ERC2: variants seen among roughly 807,000 people sequenced by gnomAD.
ERC2 encodes ERC protein 2.
ERC2 carries 42 observed loss-of-function variants against 114.8 expected under a neutral mutation model. That is an observed-to-expected ratio of 0.37 (90% CI 0.29 to 0.47). ERC2 has a LOEUF of 0.47. Among genes scored for constraint, ERC2 ranks in the 20% least tolerant of loss-of-function variants. The probability of loss-of-function intolerance (pLI) is 0.99; values close to 1 mark genes in which losing one functional copy is unlikely to be tolerated. For synonymous variants in ERC2, 454 were observed against 425.5 expected (o/e 1.07, Z -0.82); for missense variants, 939 against 1,150.7 (o/e 0.82, Z 2.66).
chr3:56,256,300 C>T (rs1443790814), intron 3 of ERC2, among the ~76,000 whole-genome samples: 1 of 152,174 alleles, frequency 6.6e-6, no homozygotes, highest in Non-Finnish European at 1.5e-5. Context: ...TCATTTCCAA[C>T]AGGTGATTAA....
intron 14 of ERC2, among the ~76,000 whole-genome samples, chr3:55,805,753 C>T (rs1280185395): frequency 2.6e-5 from 4 of 152,090 alleles, no homozygotes; most frequent in Admixed American, 1.3e-4. Flanking sequence ...TGGTCCTGAT[C>T]GGATTACACA....
chr3:56,283,161 A>C (rs1386575147), intron 3 of ERC2, among the ~76,000 whole-genome samples: 1 of 152,258 alleles, frequency 6.6e-6, no homozygotes, highest in Non-Finnish European at 1.5e-5. Context: ...TCAAGCTTTC[A>C]ATGTGCAATT....
intron 17 of ERC2, among the ~76,000 whole-genome samples, chr3:55,572,231 T>A (rs536169112): frequency 6.6e-6 from 1 of 152,216 alleles, no homozygotes; most frequent in East Asian, 1.9e-4. Flanking sequence ...GCCCAGAAAG[T>A]GGCCTGGGAG....
intron 2 of ERC2, among the ~76,000 whole-genome samples, chr3:56,309,170 T>C (rs968088019): frequency 1.3e-5 from 2 of 152,226 alleles, no homozygotes; most frequent in African/African-American, 4.8e-5. Flanking sequence ...CCTCTAGGCT[T>C]TCTCTTTTGG....
At chr3:55,774,428 C>A (rs146157871) in intron 14 of ERC2, among the ~76,000 whole-genome samples, 1 of 152,252 alleles carries the variant, frequency 6.6e-6, no homozygotes. Flanking sequence ...CCCCCGACTT[C>A]GTGGTCTCCC....
chr3:55,515,226 G>A (rs1234644383), intron 17 of ERC2, among the ~76,000 whole-genome samples: 2 of 152,164 alleles, frequency 1.3e-5, no homozygotes, highest in Admixed American at 1.3e-4. Flanking sequence ...GGAAAAAGCA[G>A]ATTACCATTT....
intron 17 of ERC2, among the ~76,000 whole-genome samples, chr3:55,558,680 C>T (rs1401159931): frequency 6.6e-6 from 1 of 152,130 alleles, no homozygotes; most frequent in African/African-American, 2.4e-5. Context: ...GGCCTTTGGC[C>T]CAGATTTTAA....
chr3:55,741,882 A>G (rs1172915246), intron 14 of ERC2, among the ~76,000 whole-genome samples: 2 of 152,198 alleles, frequency 1.3e-5, no homozygotes, highest in African/African-American at 4.8e-5. Flanking sequence ...AGCCTAAACA[A>G]ATGTCAAGGG....
intron 3 of ERC2, among the ~76,000 whole-genome samples, chr3:56,282,168 G>T (rs912578006): frequency 6.6e-6 from 1 of 152,158 alleles, no homozygotes; most frequent in Non-Finnish European, 1.5e-5. Flanking sequence ...CTATTAGACC[G>T]CAAGTCTCCT....
intron 3 of ERC2, among the ~76,000 whole-genome samples, chr3:56,184,117 T>C (rs2083449385): frequency 6.6e-6 from 1 of 152,166 alleles, no homozygotes; most frequent in Non-Finnish European, 1.5e-5. Flanking sequence ...GATAATGTGC[T>C]CCTTTTGGTG....
At chr3:55,748,095 A>C (rs1428356271) in intron 14 of ERC2, among the ~76,000 whole-genome samples, 1 of 152,186 alleles carries the variant, frequency 6.6e-6, no homozygotes, top group Non-Finnish European at 1.5e-5. Context: ...GAGCCAGCCC[A>C]AGAAACAATG....
chr3:55,556,500 A>T (rs934774212), intron 17 of ERC2, among the ~76,000 whole-genome samples: 2 of 152,160 alleles, frequency 1.3e-5, no homozygotes, highest in East Asian at 3.9e-4. Flanking sequence ...ATATGACTCA[A>T]CTTGGCCAAT....
intron 6 of ERC2, among the ~76,000 whole-genome samples, chr3:56,094,701 T>C (rs2077963651): frequency 1.3e-5 from 2 of 152,108 alleles, no homozygotes; most frequent in South Asian, 2.1e-4. Flanking sequence ...TTGGTAGTGA[T>C]GCAGGAAGAA....
At chr3:55,889,745 C>T (rs2063520470) in intron 13 of ERC2, among the ~76,000 whole-genome samples, 1 of 152,142 alleles carries the variant, frequency 6.6e-6, no homozygotes, top group African/African-American at 2.4e-5. Flanking sequence ...TTCTAAAATA[C>T]CCCTTCCAGC....
At chr3:56,244,329 T>C (rs893350077) in intron 3 of ERC2, among the ~76,000 whole-genome samples, 2 of 152,210 alleles carry the variant, frequency 1.3e-5, no homozygotes, top group African/African-American at 2.4e-5. Flanking sequence ...ATGACTATGT[T>C]ACTGGTTTAT....
intron 15 of ERC2, among the ~76,000 whole-genome samples, chr3:55,719,952 TCC>T (rs1351963075): frequency 6.6e-6 from 1 of 150,456 alleles, no homozygotes; most frequent in Non-Finnish European, 1.5e-5. Context: ...TTCCTTTCTT[TCC>T]TTTCTTTCCT....
chr3:56,378,297 C>A (rs2059621544), intron 2 of ERC2, among the ~76,000 whole-genome samples: 2 of 148,376 alleles, frequency 1.3e-5, no homozygotes, highest in Admixed American at 6.8e-5. Context: ...TGGAAATCAT[C>A]ATTCTCAGTA....
chr3:56,411,579 T>G lies in ERC2; in HGVS notation c.657+22772A>C, dbSNP rs141487730. On this transcript the variant is annotated intron_variant, in intron 2 of 17. Transcript: ENST00000288221. ...TAAAGTCATATGCATAAACTTCACT[T>G]CTAAATGGAAGTAACAACAACAATA... Among the ~76,000 whole-genome samples the G allele has an allele frequency of 6.0e-4, 92 of 152,218 alleles. No individual in the cohort carries two copies. In the East Asian group the frequency reaches 6.8e-3, roughly 11 times the overall value.
At chr3:56,332,955 GC>G (rs2057692281) in intron 2 of ERC2, among the ~76,000 whole-genome samples, 1 of 152,136 alleles carries the variant, frequency 6.6e-6, no homozygotes, top group African/African-American at 2.4e-5. Context: ...TATTTACTTG[GC>G]CTTAAAAGAA....
Sources: gnomAD v4.1 joint callset for allele counts (sites outside exome capture counted in the v4.1 genomes callset) on GRCh38, gnomAD v4.1.1 for gene constraint, MANE v1.5 for transcripts, NCBI Gene and HGNC (gene_info 2026-07-23, HGNC 2026-07-21) for gene names.